Variants in LDB2 observed in about 807,000 individuals in gnomAD.
LDB2 encodes the protein LIM domain-binding protein 2.
A neutral mutation model predicts 44.3 loss-of-function variants in LDB2; 12 were observed. That is an observed-to-expected ratio of 0.27 (90% CI 0.17 to 0.44). The LOEUF is 0.44. Among genes scored for constraint, LDB2 ranks in the 20% least tolerant of loss-of-function variants. LDB2 has a pLI of 1.00. For missense variants in LDB2, 344 were observed against 473.5 expected (o/e 0.73, Z 2.54); for synonymous variants, 164 against 174.8 (o/e 0.94, Z 0.49).
At chr4:16,609,727 G>C (rs1393313500) in intron 2 of LDB2, among the ~76,000 whole-genome samples, 1 of 152,162 alleles carries the variant, frequency 6.6e-6, no homozygotes, top group Non-Finnish European at 1.5e-5. Context: ...TAGGCGGAGG[G>C]GGAGAGGTGG....
chr4:16,513,150 A>G (rs960320832), intron 5 of LDB2, among the ~76,000 whole-genome samples: 1 of 152,130 alleles, frequency 6.6e-6, no homozygotes, highest in Non-Finnish European at 1.5e-5. Flanking sequence ...CATCTTGAAC[A>G]TGTCCCTAGA....
At chr4:16,669,547 A>G (rs908843786) in intron 2 of LDB2, among the ~76,000 whole-genome samples, 10 of 152,238 alleles carry the variant, frequency 6.6e-5, no homozygotes, top group Admixed American at 6.5e-4. Flanking sequence ...AGCATCTCAT[A>G]TACGTTGACA....
chr4:16,611,622 A>ATTATG (rs1347838420), intron 2 of LDB2, among the ~76,000 whole-genome samples: 1 of 152,170 alleles, frequency 6.6e-6, no homozygotes, highest in African/African-American at 2.4e-5. Flanking sequence ...AAAGAAGGGC[A>ATTATG]TTACATAGTG....
At chr4:16,641,914 GAA>G in intron 2 of LDB2, among the ~76,000 whole-genome samples, 1 of 152,278 alleles carries the variant, frequency 6.6e-6, no homozygotes, top group Middle Eastern at 3.4e-3. Context: ...ACAAAGGAAA[GAA>G]AATAGTAGCA....
chr4:16,650,148 C>T (rs1737861812), intron 2 of LDB2, among the ~76,000 whole-genome samples: 1 of 152,172 alleles, frequency 6.6e-6, no homozygotes, highest in African/African-American at 2.4e-5. Flanking sequence ...CCAATCCTGG[C>T]ACCACCACTT....
intron 2 of LDB2, among the ~76,000 whole-genome samples, chr4:16,646,552 G>T (rs1035456197): frequency 1.3e-5 from 2 of 152,196 alleles, no homozygotes; most frequent in African/African-American, 4.8e-5. Context: ...GCCATAAGAA[G>T]AATATGGCCT....
At chr4:16,897,920 ATATATATATATATATATACACATAT>A (rs1160732450) in intron 1 of LDB2, among the ~76,000 whole-genome samples, 5 of 17,496 alleles carry the variant, frequency 2.9e-4, no homozygotes, top group Non-Finnish European at 4.6e-4. Context: ...ATATATATAT[ATATATATATATATATATACACATAT>A]GTATATATAT....
chr4:16,564,645 C>T (rs963518242), intron 5 of LDB2, among the ~76,000 whole-genome samples: 2 of 152,112 alleles, frequency 1.3e-5, no homozygotes, highest in African/African-American at 2.4e-5. Flanking sequence ...CAACAGCTTC[C>T]ATTGCTTTGG....
In LDB2 at chr4:16,612,507, C is replaced by T. The variant is rs183058995; in HGVS notation, c.236-16632G>A. Among the ~76,000 whole-genome samples the T allele has an allele frequency of 1.6e-4, 25 of 151,994 alleles. No individual in the cohort carries two copies. The East Asian group carries it at 2.9e-3, about 18-fold the overall frequency. On this transcript the variant is annotated intron_variant, in intron 2 of 7. Coordinates refer to ENST00000304523, the MANE Select transcript of LDB2 (RefSeq NM_001290.5). ...AAGAGAAAAAAGAATCAAATAGACACGGTAAAAAAAGATAAAGGGGATATA... is the reference window on the plus strand; with the variant it reads ...AAGAGAAAAAAGAATCAAATAGACATGGTAAAAAAAGATAAAGGGGATATA...
At chr4:16,614,870 A>C (rs1578216532) in intron 2 of LDB2, among the ~76,000 whole-genome samples, 2 of 151,064 alleles carry the variant, frequency 1.3e-5, no homozygotes, top group East Asian at 3.9e-4. Context: ...GGAGATCGAG[A>C]CCATCCCGGC....
intron 5 of LDB2, among the ~76,000 whole-genome samples, chr4:16,564,087 T>G (rs539929486): frequency 6.6e-6 from 1 of 152,174 alleles, no homozygotes; most frequent in African/African-American, 2.4e-5. Context: ...TCCCCCTTCT[T>G]AATGGTCTTC....
At chr4:16,885,379 G>C (rs545711808) in intron 1 of LDB2, among the ~76,000 whole-genome samples, 154 of 152,206 alleles carry the variant, frequency 1.0e-3, no homozygotes, top group Non-Finnish European at 1.7e-3. Context: ...TCAGTGAAAT[G>C]TGCCTTTAGA....
intron 2 of LDB2, among the ~76,000 whole-genome samples, chr4:16,678,876 A>G (rs182188352): frequency 1.3e-5 from 2 of 152,310 alleles, no homozygotes; most frequent in African/African-American, 4.8e-5. Flanking sequence ...CTTCACCTCT[A>G]TAAAGAAAAT....
chr4:16,813,602 AAC>A (rs1243811001), intron 1 of LDB2, among the ~76,000 whole-genome samples: 1 of 152,124 alleles, frequency 6.6e-6, no homozygotes, highest in Non-Finnish European at 1.5e-5. Context: ...TCATTTACAA[AAC>A]ACTCTTAGAT....
intron 2 of LDB2, among the ~76,000 whole-genome samples, chr4:16,645,807 C>T (rs1736641053): frequency 6.6e-6 from 1 of 152,124 alleles, no homozygotes; most frequent in South Asian, 2.1e-4. Context: ...TGTGTCTTTA[C>T]CTTCATCTTT....
intron 5 of LDB2, among the ~76,000 whole-genome samples, chr4:16,537,036 G>A (rs182898727): frequency 6.1e-4 from 93 of 152,282 alleles, no homozygotes; most frequent in Non-Finnish European, 8.8e-5. Context: ...GGTTTTTACA[G>A]TTTACGTTTT....
chr4:16,661,236 A>G (rs1741497055), intron 2 of LDB2, among the ~76,000 whole-genome samples: 1 of 152,226 alleles, frequency 6.6e-6, no homozygotes, highest in African/African-American at 2.4e-5. Flanking sequence ...TCAAGGAATG[A>G]AAAGAAAGAA....
chr4:16,697,433 G>T lies in LDB2; in HGVS notation c.235+61725C>A, dbSNP rs6820196. 4.0e-5 allele frequency among the ~76,000 whole-genome samples: 6 copies of T among 151,688 alleles called. No homozygotes were observed. In the South Asian group the frequency reaches 1.0e-3, roughly 26 times the overall value. The stretch of plus-strand genomic sequence containing the variant: ...GCTGAGATCGCACCACTGCACTCCA[G>T]CCTGGGCGACAGAGCAAGACTCCGT... On this transcript the variant is annotated intron_variant, in intron 2 of 7. Transcript: ENST00000304523.
chr4:16,626,270 G>A (rs192807052), intron 2 of LDB2, among the ~76,000 whole-genome samples: 79 of 152,210 alleles, frequency 5.2e-4, no homozygotes, highest in African/African-American at 1.8e-3. Flanking sequence ...CAGAATACAC[G>A]TTAGTTACTA....
Sources: gnomAD v4.1 joint callset for allele counts (sites outside exome capture counted in the v4.1 genomes callset) on GRCh38, gnomAD v4.1.1 for gene constraint, MANE v1.5 for transcripts, NCBI Gene and HGNC (gene_info 2026-07-23, HGNC 2026-07-21) for gene names.